Variants in CHD7 observed in about 807,000 individuals in gnomAD.
The protein encoded by CHD7 is chromodomain helicase DNA binding protein 7.
CHD7 carries 24 observed loss-of-function variants against 307.3 expected under a neutral mutation model. That is an observed-to-expected ratio of 0.08 (90% CI 0.06 to 0.11). The LOEUF is 0.11. Ranked by LOEUF, CHD7 falls within the 10% of genes least tolerant of loss-of-function variation. The probability of loss-of-function intolerance (pLI) is 1.00; values close to 1 mark genes in which losing one functional copy is unlikely to be tolerated. For synonymous variants in CHD7, 1,363 were observed against 1,349.9 expected (o/e 1.01, Z -0.21); for missense variants, 3,106 against 3,727.1 (o/e 0.83, Z 4.34).
At chr8:60,811,766 C>T (rs1183394711) in intron 7 of CHD7, among the ~76,000 whole-genome samples, 1 of 152,148 alleles carries the variant, frequency 6.6e-6, no homozygotes, top group Non-Finnish European at 1.5e-5. Context: ...AAATTCCCTT[C>T]CTTCATGTTG....
intron 23 of CHD7, among the ~76,000 whole-genome samples, chr8:60,847,481 G>C (rs1049384283): frequency 2.6e-5 from 4 of 152,140 alleles, no homozygotes; most frequent in African/African-American, 7.2e-5. Flanking sequence ...AGATCAAAAG[G>C]GCTAGTATAA....
chr8:60,832,312 A>C (rs1804554809), intron 15 of CHD7, among the ~76,000 whole-genome samples: 2 of 152,208 alleles, frequency 1.3e-5, no homozygotes, highest in South Asian at 4.1e-4. Context: ...GGTGTGAGCC[A>C]CTGCACCTGG....
chr8:60,816,113 GTCTCTCTCTCTCTCTC>G (rs201056061), intron 7 of CHD7, among the ~76,000 whole-genome samples: 22 of 139,304 alleles, frequency 1.6e-4, no homozygotes, highest in South Asian at 4.6e-4. Flanking sequence ...CTGTCTGTCT[GTCTCTCTCTCTCTCTC>G]TCTCTCTCTC....
At chr8:60,694,339 T>C (rs1350876820) in intron 1 of CHD7, among the ~76,000 whole-genome samples, 3 of 152,240 alleles carry the variant, frequency 2.0e-5, no homozygotes, top group African/African-American at 7.2e-5. Flanking sequence ...ATGGCTTTGC[T>C]AAGCTCTGTG....
intron 6 of CHD7, among the ~76,000 whole-genome samples, chr8:60,803,210 A>G (rs1269715022): frequency 1.3e-5 from 2 of 152,206 alleles, no homozygotes; most frequent in African/African-American, 4.8e-5. Flanking sequence ...ACTGAATTGA[A>G]GTGACTTGTT....
intron 3 of CHD7, among the ~76,000 whole-genome samples, chr8:60,790,804 A>T (rs1811739767): frequency 6.6e-6 from 1 of 152,172 alleles, no homozygotes; most frequent in African/African-American, 2.4e-5. Flanking sequence ...CAGTAATGTT[A>T]CCACCAACTT....
chr8:60,685,119 G>A (rs1213238122), intron 1 of CHD7, among the ~76,000 whole-genome samples: 1 of 152,190 alleles, frequency 6.6e-6, no homozygotes, highest in Non-Finnish European at 1.5e-5. Context: ...TGAGAAGGAA[G>A]CTCATGAGTT....
At chr8:60,851,405 AC>A in intron 28 of CHD7, 86 bp downstream of exon 28, 2 of 988,518 alleles carry the variant, frequency 2.0e-6, no homozygotes, top group Non-Finnish European at 3.1e-6. Context: ...CTGCTTCATG[AC>A]AGCAGTGTCT....
At chr8:60,693,318 C>A (rs1806294165) in intron 1 of CHD7, among the ~76,000 whole-genome samples, 1 of 152,212 alleles carries the variant, frequency 6.6e-6, no homozygotes, top group South Asian at 2.1e-4. Context: ...CTTCCTGCTC[C>A]CCTGTGGAAC....
intron 7 of CHD7, 129 bp from the exon 8 acceptor site, chr8:60,816,258 G>T: frequency 3.4e-6 from 2 of 596,742 alleles, no homozygotes; most frequent in African/African-American, 1.9e-5. Flanking sequence ...ATTAAATGTT[G>T]CTCAGCAGCC....
chr8:60,743,339 G>C (rs559617303), intron 2 of CHD7, among the ~76,000 whole-genome samples: 14 of 152,326 alleles, frequency 9.2e-5, no homozygotes, highest in Non-Finnish European at 2.1e-4. Context: ...AAGGAGCTGG[G>C]TCACCGCTAG....
rs779470909 is a variant in CHD7 at position 60,865,208 on chromosome 8, A to C, written c.8269A>C (p.Ser2757Arg). Residue 2757 changes from serine to arginine, a missense_variant, in exon 38 of 38, where the codon AGC becomes CGC. By Grantham distance (110) the Ser-to-Arg change is moderately radical. Transcript: ENST00000423902. This position sits in a 1 kb window ranked among gnomAD's most constrained non-coding sequence, Gnocchi z 4.3. ...CCTGTTTGCTGGAATGGACCTGACG[A>C]GCCTTCAGAATCTCCAGAATCTCCA... ...NSLFAGMDLT[S>R]LQNLQNLQSL... The C allele has an allele frequency of 6.2e-7, 1 of 1,610,772 alleles. No homozygotes were observed. Among genetic ancestry groups the C allele is most frequent in the Non-Finnish European group, 8.5e-7 (1 of 1,178,502 alleles).
At chr8:60,803,871 C>T (rs1277236637) in intron 6 of CHD7, among the ~76,000 whole-genome samples, 1 of 152,180 alleles carries the variant, frequency 6.6e-6, no homozygotes, top group Non-Finnish European at 1.5e-5. Context: ...TGGTCTGTTT[C>T]TTATTACCAT....
intron 8 of CHD7, among the ~76,000 whole-genome samples, chr8:60,818,613 G>A (rs201552131): frequency 6.6e-6 from 1 of 152,008 alleles, no homozygotes; most frequent in Non-Finnish European, 1.5e-5. Flanking sequence ...ATCTACCTCT[G>A]TGTAAAAGCC....
chr8:60,725,912 T>C (rs755413578), intron 1 of CHD7, among the ~76,000 whole-genome samples: 17 of 152,180 alleles, frequency 1.1e-4, no homozygotes, highest in Non-Finnish European at 1.6e-4. Context: ...AGTGCCAACT[T>C]CACTTCCTTT....
At chr8:60,733,904 A>G (rs1563552854) in intron 1 of CHD7, among the ~76,000 whole-genome samples, 1 of 152,216 alleles carries the variant, frequency 6.6e-6, no homozygotes, top group Non-Finnish European at 1.5e-5. Context: ...TTAGATATTA[A>G]TGTTAACTGC....
intron 2 of CHD7, among the ~76,000 whole-genome samples, chr8:60,758,733 T>C (rs975489656): frequency 7.9e-5 from 12 of 152,190 alleles, no homozygotes; most frequent in African/African-American, 2.9e-4. Flanking sequence ...AACTCACAAC[T>C]CTAGGCAGTT....
intron 2 of CHD7, among the ~76,000 whole-genome samples, chr8:60,749,602 C>A (rs1385358817): frequency 1.0e-5 from 1 of 99,924 alleles, no homozygotes; most frequent in Non-Finnish European, 2.7e-5. Flanking sequence ...CAAAATGTCT[C>A]TAAAAAAAAA....
intron 6 of CHD7, among the ~76,000 whole-genome samples, chr8:60,806,416 G>A (rs1267960610): frequency 6.6e-6 from 1 of 152,048 alleles, no homozygotes; most frequent in African/African-American, 2.4e-5. Flanking sequence ...AAAAAGGTAG[G>A]GTGGGTCTTG....
Sources: allele counts gnomAD v4.1 joint callset (sites outside exome capture counted in the v4.1 genomes callset), GRCh38; gene constraint gnomAD v4.1.1; non-coding constraint Gnocchi (gnomAD v3.1); transcripts MANE v1.5; gene names NCBI Gene and HGNC (gene_info 2026-07-23, HGNC 2026-07-21).